Variants in DPY19L4 observed in about 807,000 individuals in gnomAD.
The protein encoded by DPY19L4 is dpy-19 like 4.
A neutral mutation model predicts 102.8 loss-of-function variants in DPY19L4; 97 were observed. That is an observed-to-expected ratio of 0.94 (90% CI 0.80 to 1.12). The LOEUF (loss-of-function observed/expected upper bound fraction) is 1.12. Among genes scored for constraint, DPY19L4 ranks in the 50% most tolerant of loss-of-function variants. The pLI is 0.00. For synonymous variants in DPY19L4, 252 were observed against 283.1 expected (o/e 0.89, Z 1.10); for missense variants, 815 against 850.4 (o/e 0.96, Z 0.52).
At chr8:94,760,764 AAGG>A (rs1398774726) in intron 7 of DPY19L4, among the ~76,000 whole-genome samples, 1 of 152,204 alleles carries the variant, frequency 6.6e-6, no homozygotes, top group Non-Finnish European at 1.5e-5. Flanking sequence ...TCCATAGAAG[AAGG>A]AGAGGCTGTT....
intron 7 of DPY19L4, among the ~76,000 whole-genome samples, chr8:94,759,500 C>CTTTTTTTTTTTTTTTTTTTTTTTTTT (rs1161705507): frequency 1.5e-5 from 1 of 67,562 alleles, no homozygotes; most frequent in Non-Finnish European, 2.7e-5. Context: ...TCTACATGTT[C>CTTTTTTTTTTTTTTTTTTTTTTTTTT]TTTTTTTTTT....
chr8:94,744,052 T>G (rs1322079138), intron 6 of DPY19L4, among the ~76,000 whole-genome samples: 1 of 152,204 alleles, frequency 6.6e-6, no homozygotes, highest in Non-Finnish European at 1.5e-5. Flanking sequence ...GTGTGATGTA[T>G]TAGTTATTGC....
chr8:94,765,379 C>A, intron 9 of DPY19L4, 65 bp downstream of exon 9: 2 of 1,474,280 alleles, frequency 1.4e-6, no homozygotes, highest in South Asian at 1.2e-5. Context: ...GAGTCTCACT[C>A]TGTTGCCCAG....
intron 7 of DPY19L4, among the ~76,000 whole-genome samples, chr8:94,756,861 A>C (rs1338740776): frequency 2.0e-5 from 3 of 151,878 alleles, no homozygotes; most frequent in Admixed American, 2.0e-4. Context: ...CTCATCTCTA[A>C]TAAAAATTCA....
chr8:94,780,438 T>C (rs1204635675), intron 15 of DPY19L4, 23 bp downstream of exon 15: 1 of 1,382,006 alleles, frequency 7.2e-7, no homozygotes, highest in South Asian at 1.8e-5. Context: ...GATTTTTATA[T>C]TAATAAAATG....
intron 18 of DPY19L4, 126 bp downstream of exon 18, chr8:94,788,178 G>A (rs1330004611): frequency 2.3e-6 from 1 of 427,062 alleles, no homozygotes; most frequent in African/African-American, 2.2e-5. Flanking sequence ...ATTGAGTTAT[G>A]TAATAATGGG....
In DPY19L4 at chr8:94,730,046, G is replaced by A. The variant is rs113708251; in HGVS notation, c.127+3605G>A. 4.8e-3 allele frequency among the ~76,000 whole-genome samples: 724 copies of A among 151,422 alleles called. 8 individuals carry two copies. Among genetic ancestry groups the A allele is most frequent in the African/African-American group, 0.016 (680 of 41,284 alleles). ...ATACTCTTAAAATTTTGGCATAAGTGTGGCTTTTTTCTATGTACTTATAGT... is the reference window on the plus strand; with the variant it reads ...ATACTCTTAAAATTTTGGCATAAGTATGGCTTTTTTCTATGTACTTATAGT... On this transcript the variant is annotated intron_variant, in intron 2 of 18. Transcript: ENST00000414645.
At chr8:94,764,525 G>A (rs528944509) in intron 8 of DPY19L4, among the ~76,000 whole-genome samples, 14 of 144,266 alleles carry the variant, frequency 9.7e-5, no homozygotes, top group Admixed American at 3.5e-4. Flanking sequence ...GCAGTCAGCC[G>A]AGATCGCGCC....
chr8:94,771,490 G>A (rs1004795107), intron 13 of DPY19L4, among the ~76,000 whole-genome samples: 10 of 152,204 alleles, frequency 6.6e-5, no homozygotes, highest in Admixed American at 5.9e-4. Context: ...CCTAATGGAG[G>A]TGACAGATGT....
At chr8:94,745,999 C>T (rs1341663585) in intron 6 of DPY19L4, among the ~76,000 whole-genome samples, 1 of 151,796 alleles carries the variant, frequency 6.6e-6, no homozygotes, top group African/African-American at 2.4e-5. Flanking sequence ...GGTGATCTGC[C>T]CACCTCAGCC....
intron 6 of DPY19L4, among the ~76,000 whole-genome samples, chr8:94,742,229 G>A (rs1811474257): frequency 6.6e-6 from 1 of 151,896 alleles, no homozygotes; most frequent in Non-Finnish European, 1.5e-5. Flanking sequence ...GTGGTGGCGG[G>A]CGCCTGTAGT....
chr8:94,755,661 G>A (rs1032816261), intron 6 of DPY19L4, among the ~76,000 whole-genome samples: 1 of 152,042 alleles, frequency 6.6e-6, no homozygotes, highest in African/African-American at 2.4e-5. Flanking sequence ...TTGGGAGGTC[G>A]AGGCGGGTGG....
chr8:94,720,103 TG>T, intron 1 of DPY19L4, 89 bp downstream of exon 1: 1 of 1,420,096 alleles, frequency 7.0e-7, no homozygotes, highest in Non-Finnish European at 9.2e-7. Context: ...TTGGAGCTGC[TG>T]GTGGCCGCGG....
intron 1 of DPY19L4, among the ~76,000 whole-genome samples, chr8:94,722,440 T>C (rs889840403): frequency 1.3e-5 from 2 of 152,134 alleles, no homozygotes; most frequent in Non-Finnish European, 2.9e-5. Flanking sequence ...AAATGATTTT[T>C]GGTTGTAGAA....
At chr8:94,720,428 G>A (rs950853563) in intron 1 of DPY19L4, among the ~76,000 whole-genome samples, 3 of 152,152 alleles carry the variant, frequency 2.0e-5, no homozygotes. Flanking sequence ...AAACCCAGAG[G>A]CACAGGGGGC....
intron 12 of DPY19L4, 110 bp from the exon 13 acceptor site, chr8:94,770,342 T>C: frequency 1.7e-6 from 2 of 1,192,128 alleles, no homozygotes; most frequent in Non-Finnish European, 2.3e-6. Flanking sequence ...TTTTTTGTTA[T>C]GACGAAATAT....
At chr8:94,769,703 A>AG (rs1217645337) in intron 12 of DPY19L4, among the ~76,000 whole-genome samples, 1 of 151,946 alleles carries the variant, frequency 6.6e-6, no homozygotes, top group Non-Finnish European at 1.5e-5. Context: ...AAAAAGAAAA[A>AG]AAAAAGCTAT....
intron 13 of DPY19L4, among the ~76,000 whole-genome samples, chr8:94,773,084 G>A (rs1012412371): frequency 6.6e-6 from 1 of 151,824 alleles, no homozygotes; most frequent in Admixed American, 6.6e-5. Flanking sequence ...TGTGGTGGCA[G>A]GCACCTGTAA....
chr8:94,746,828 A>T (rs990380715), intron 6 of DPY19L4, among the ~76,000 whole-genome samples: 1 of 152,218 alleles, frequency 6.6e-6, no homozygotes, highest in Non-Finnish European at 1.5e-5. Context: ...GTAAACCCTC[A>T]GTGTAAATGT....
Sources: allele counts gnomAD v4.1 joint callset (sites outside exome capture counted in the v4.1 genomes callset), GRCh38; gene constraint gnomAD v4.1.1; transcripts MANE v1.5; gene names NCBI Gene and HGNC (gene_info 2026-07-23, HGNC 2026-07-21).